C2CD5: variants seen among roughly 807,000 people sequenced by gnomAD.
C2CD5 encodes C2 domain-containing protein 5.
A neutral mutation model predicts 130.3 loss-of-function variants in C2CD5; 109 were observed. The observed-to-expected ratio is 0.84, with a 90% CI of 0.72 to 0.98. The LOEUF is 0.98. Among genes scored for constraint, C2CD5 ranks in the 50% least tolerant of loss-of-function variants. The pLI, the probability that C2CD5 is intolerant of heterozygous loss-of-function variation, is 0.00. For synonymous variants in C2CD5, 454 were observed against 429.2 expected, an observed-to-expected ratio of 1.06 and a Z score of -0.71; for missense variants, 996 against 1,261.8, an observed-to-expected ratio of 0.79 and a Z score of 3.19.
At chr12:22,526,017 A>C (rs1950685220) in intron 4 of C2CD5, among the ~76,000 whole-genome samples, 1 of 152,224 alleles carries the variant, frequency 6.6e-6, no homozygotes, top group Admixed American at 6.5e-5. Flanking sequence ...TTGGTTGATT[A>C]GATATATTAA....
At position 22,529,082 on chromosome 12, in the gene C2CD5, G is replaced by A. The variant is rs78673435; in HGVS notation, c.178-1190C>T. ...TTAAAATATCCCCACAAGGAAAACC[G>A]GGGTGGGCAGGAGTTAAAAAGGCAA... On this transcript the variant is annotated intron_variant, in intron 3 of 26. Coordinates refer to ENST00000446597, the MANE Select transcript of C2CD5 (RefSeq NM_001286176.2). 2.1e-3 allele frequency among the ~76,000 whole-genome samples: 327 copies of A among 152,222 alleles called. 9 individuals carry two copies. The East Asian group carries it at 0.05, about 23-fold the overall frequency.
intron 2 of C2CD5, 92 bp from the exon 3 acceptor site, chr12:22,535,436 C>A: frequency 4.3e-6 from 3 of 691,752 alleles, no homozygotes; most frequent in Non-Finnish European, 7.8e-6. Flanking sequence ...AAGGATAAAC[C>A]ATAAAGGGGA....
chr12:22,511,184 A>T (rs1481285192), intron 9 of C2CD5, among the ~76,000 whole-genome samples: 1 of 152,010 alleles, frequency 6.6e-6, no homozygotes, highest in Non-Finnish European at 1.5e-5. Flanking sequence ...AAAAAAAAAA[A>T]AAAAAGGCCA....
chr12:22,502,551 T>C (rs1947930117), intron 10 of C2CD5, among the ~76,000 whole-genome samples: 2 of 152,182 alleles, frequency 1.3e-5, no homozygotes, highest in African/African-American at 4.8e-5. Flanking sequence ...ATTAATTCAT[T>C]TTAGTTAACA....
At position 22,449,713 on chromosome 12, in the gene C2CD5, G is replaced by C. The variant is rs182360419; in HGVS notation, c.*47C>G. Reference sequence around the variant, plus strand: ...GAAGATAATTAATGACAAAATAACAGAGATTGATGAATTTCATTTAGTTGA... The same window carrying C: ...GAAGATAATTAATGACAAAATAACACAGATTGATGAATTTCATTTAGTTGA... On this transcript the variant is annotated 3_prime_UTR_variant, in exon 27 of 27. Coordinates refer to ENST00000446597, the MANE Select transcript of C2CD5 (RefSeq NM_001286176.2). 7 of 1,493,096 alleles carry C rather than the reference G, an allele frequency of 4.7e-6. No individual in the cohort carries two copies. Among genetic ancestry groups the C allele is most frequent in the Middle Eastern group, 1.8e-4 (1 of 5,630 alleles). 92.5% of individuals were successfully genotyped at this position (1,493,096 alleles called of 1,614,324 possible).
intron 9 of C2CD5, among the ~76,000 whole-genome samples, chr12:22,507,184 A>ATTTC (rs10660838): frequency 0.16 from 24,059 of 151,938 alleles, 3,767 homozygotes; most frequent in African/African-American, 0.41. Flanking sequence ...CCCTTTATCT[A>ATTTC]TCAGTGGTTT....
Position 22,525,640 on chromosome 12 carries a change from G to A in C2CD5, c.415C>T (p.Gln139Ter), listed in dbSNP as rs1950651445. Residue 139 changes from glutamine to a stop codon, truncating the protein, a stop_gained, in exon 5 of 27, where the codon CAG (glutamine) becomes TAG (stop). Coordinates refer to ENST00000446597, the MANE Select transcript of C2CD5 (RefSeq NM_001286176.2). LOFTEE classifies it high-confidence loss of function. ...AAGAATTTGACTCCACATGATGACT[G>A]CCTAAATCGATTTAAATCATTGAAG... ...DLFNDLNRFR[Q>*]SSCGVKFFCT... 5 of 1,577,408 alleles carry A rather than the reference G, an allele frequency of 3.2e-6. No individual in the cohort carries two copies. The highest frequency in any genetic ancestry group is 4.4e-6 in the Non-Finnish European group (5 of 1,147,188).
At chr12:22,523,397 C>T (rs1473902579) in intron 7 of C2CD5, 29 bp downstream of exon 7, 1 of 1,558,762 alleles carries the variant, frequency 6.4e-7, no homozygotes. Context: ...AAAATCTTAG[C>T]AAGAACAATT....
chr12:22,516,660 T>C (rs972771161), intron 8 of C2CD5, among the ~76,000 whole-genome samples: 4 of 150,952 alleles, frequency 2.6e-5, no homozygotes, highest in Non-Finnish European at 4.4e-5. Flanking sequence ...ATAATAATAA[T>C]AACAATAAAT....
chr12:22,464,322 CT>C (rs1006308745), intron 22 of C2CD5, among the ~76,000 whole-genome samples: 8 of 152,166 alleles, frequency 5.3e-5, no homozygotes, highest in African/African-American at 1.9e-4. Context: ...CTTCAATCCC[CT>C]TCTTACATTT....
Position 22,523,477 on chromosome 12 carries a change from C to T in C2CD5, c.749G>A (p.Ser250Asn). The change falls in exon 7 of 27, where the codon AGC becomes AAC. Residue 250 changes from serine to asparagine, a missense_variant. Ser to Asn is a conservative substitution (Grantham distance 46). Coordinates refer to ENST00000446597, the MANE Select transcript of C2CD5 (RefSeq NM_001286176.2). ...ACATGCAGGAAGGAATGCTGCTGGG[C>T]TACTTAATTTATCCAGAGTACACGC... ...GTACTLDKLS[S>N]PAAFLPACNS... 1 of 1,614,038 alleles carries T rather than the reference C, an allele frequency of 6.2e-7. No individual in the cohort carries two copies. The highest frequency in any genetic ancestry group is 1.1e-5 in the South Asian group (1 of 91,082).
chr12:22,459,268 T>G (rs1940606210), intron 23 of C2CD5, among the ~76,000 whole-genome samples: 3 of 152,078 alleles, frequency 2.0e-5, no homozygotes, highest in Non-Finnish European at 4.4e-5. Flanking sequence ...GAGCTAAAAT[T>G]TTATGCTTAG....
intron 17 of C2CD5, 111 bp downstream of exon 17, chr12:22,472,632 GT>G (rs1226614046): frequency 1.2e-5 from 9 of 769,954 alleles, no homozygotes; most frequent in Non-Finnish European, 2.1e-5. Context: ...ATGACAAGCT[GT>G]GACACTGTGA....
chr12:22,528,570 C>G (rs1427760879), intron 3 of C2CD5, among the ~76,000 whole-genome samples: 3 of 152,122 alleles, frequency 2.0e-5, no homozygotes, highest in Non-Finnish European at 4.4e-5. Context: ...TCCCCTTCAT[C>G]AAATATAGTG....
chr12:22,507,205 T>C (rs1948658257), intron 9 of C2CD5, among the ~76,000 whole-genome samples: 1 of 152,096 alleles, frequency 6.6e-6, no homozygotes, highest in Non-Finnish European at 1.5e-5. Context: ...AGACACCCCC[T>C]TCACATGAAC....
At position 22,484,838 on chromosome 12, in the gene C2CD5, T is replaced by C; in HGVS notation, c.1409A>G (p.Asp470Gly). ...AGCTGGAAATGGCATATTCAGTTCATCATATGGTATATGACAAAATCCACA... is the reference window on the plus strand; with the variant it reads ...AGCTGGAAATGGCATATTCAGTTCACCATATGGTATATGACAAAATCCACA... ...TRCGFCHIPY[D>G]ELNMPFPAHL... is the part of the protein sequence containing the mutation. The change falls in exon 13 of 27, where the codon GAT (aspartate) becomes GGT (glycine). Residue 470 changes from aspartate to glycine, a missense_variant. Around this residue, in one of 9 missense-constraint regions of C2CD5, gnomAD observed 590 missense variants for 631.4 expected, o/e 0.93. Coordinates refer to ENST00000446597, the MANE Select transcript of C2CD5 (RefSeq NM_001286176.2). The C allele has an allele frequency of 6.2e-7, 1 of 1,605,302 alleles. No individual in the cohort carries two copies. Among genetic ancestry groups the C allele is most frequent in the Non-Finnish European group, 8.5e-7 (1 of 1,175,762 alleles).
At chr12:22,488,109 G>A (rs1019775129) in intron 12 of C2CD5, among the ~76,000 whole-genome samples, 24 of 151,934 alleles carry the variant, frequency 1.6e-4, no homozygotes, top group Admixed American at 3.3e-4. Context: ...ACGAGTTAAT[G>A]GGTGCAGCAC....
intron 7 of C2CD5, among the ~76,000 whole-genome samples, chr12:22,518,835 A>G (rs1950009361): frequency 6.6e-6 from 1 of 152,210 alleles, no homozygotes; most frequent in African/African-American, 2.4e-5. Context: ...TATATATGGG[A>G]GGATTCGCCA....
At chr12:22,504,443 A>T (rs1415043597) in intron 10 of C2CD5, among the ~76,000 whole-genome samples, 1 of 151,920 alleles carries the variant, frequency 6.6e-6, no homozygotes, top group Non-Finnish European at 1.5e-5. Context: ...CTGGGACTAC[A>T]GGCGCCTGCC....
Sources: gnomAD v4.1 joint callset for allele counts (sites outside exome capture counted in the v4.1 genomes callset) on GRCh38, gnomAD v4.1.1 for gene constraint, gnomAD v4.1.1 regional missense constraint, MANE v1.5 for transcripts, NCBI Gene and HGNC (gene_info 2026-07-23, HGNC 2026-07-21) for gene names.